RASSF2: variants seen among roughly 807,000 people sequenced by gnomAD.
RASSF2 encodes the protein Ras association domain family member 2, also known as ras association domain-containing protein 2.
Under a neutral mutation model 46.3 loss-of-function variants are expected in RASSF2, and 34 were observed. The observed-to-expected ratio is 0.73, with a 90% CI of 0.56 to 0.98. The LOEUF (loss-of-function observed/expected upper bound fraction) is 0.98. Ranked by LOEUF, RASSF2 falls within the 50% of genes least tolerant of loss-of-function variation. The pLI is 0.00. For synonymous variants in RASSF2, 158 were observed against 162.5 expected, an observed-to-expected ratio of 0.97 and a Z score of 0.21; for missense variants, 364 against 431.2, an observed-to-expected ratio of 0.84 and a Z score of 1.38.
At chr20:4,811,081 G>A (rs1451650903) in intron 2 of RASSF2, among the ~76,000 whole-genome samples, 1 of 152,130 alleles carries the variant, frequency 6.6e-6, no homozygotes, top group African/African-American at 2.4e-5. Flanking sequence ...TGATGTCAGC[G>A]AGGCATGGTG....
chr20:4,822,681 A>T (rs766406671), intron 1 of RASSF2, among the ~76,000 whole-genome samples: 7 of 152,240 alleles, frequency 4.6e-5, no homozygotes, highest in African/African-American at 1.7e-4. Context: ...CTGAGGTCCC[A>T]GCGACCTCAG....
At chr20:4,788,603 C>T (rs1395041691) in intron 8 of RASSF2, among the ~76,000 whole-genome samples, 3 of 152,216 alleles carry the variant, frequency 2.0e-5, no homozygotes, top group Non-Finnish European at 4.4e-5. Context: ...GCCTATTGCT[C>T]CTAGTGTACA....
At chr20:4,800,180 G>A (rs1046044951) in intron 3 of RASSF2, among the ~76,000 whole-genome samples, 1 of 152,002 alleles carries the variant, frequency 6.6e-6, no homozygotes, top group African/African-American at 2.4e-5. Flanking sequence ...TTTGGCTCAA[G>A]CCCAGTCACA....
chr20:4,802,171 C>T (rs1926924339), intron 2 of RASSF2, among the ~76,000 whole-genome samples: 1 of 150,906 alleles, frequency 6.6e-6, no homozygotes, highest in South Asian at 2.1e-4. Context: ...CCCTGGGCTC[C>T]CTCGATCCCC....
intron 2 of RASSF2, among the ~76,000 whole-genome samples, chr20:4,802,306 C>T (rs563813315): frequency 3.3e-5 from 5 of 151,864 alleles, no homozygotes; most frequent in East Asian, 1.9e-4. Context: ...GGATTCTGCT[C>T]ACTAGATGCC....
At chr20:4,818,324 A>C (rs533802835) in intron 2 of RASSF2, among the ~76,000 whole-genome samples, 2 of 152,160 alleles carry the variant, frequency 1.3e-5, no homozygotes, top group African/African-American at 4.8e-5. Flanking sequence ...AGTGTCTCGC[A>C]TGCAGGTGAG....
At chr20:4,785,377 T>C (rs1370035363) in intron 11 of RASSF2, among the ~76,000 whole-genome samples, 1 of 152,008 alleles carries the variant, frequency 6.6e-6, no homozygotes, top group Non-Finnish European at 1.5e-5. Context: ...ACAAAAACTT[T>C]AGGACATAGT....
chr20:4,820,381 T>C (rs1215750940), intron 2 of RASSF2, among the ~76,000 whole-genome samples: 2 of 152,130 alleles, frequency 1.3e-5, no homozygotes, highest in East Asian at 1.9e-4. Flanking sequence ...TGTGGTGGCA[T>C]ATGCCTGGGG....
intron 2 of RASSF2, among the ~76,000 whole-genome samples, chr20:4,804,834 T>C (rs556252972): frequency 6.6e-6 from 1 of 151,568 alleles, no homozygotes; most frequent in South Asian, 2.1e-4. Flanking sequence ...AGGAGGGGGA[T>C]GTGTGGGGGC....
In RASSF2 at chr20:4,792,654, G is replaced by T. The variant is rs6133164; in HGVS notation, c.288-27C>A. 32 of 1,611,900 alleles carry T rather than the reference G, an allele frequency of 2.0e-5. No individual in the cohort carries two copies. The Middle Eastern group carries it at 9.9e-4, about 50-fold the overall frequency. The stretch of plus-strand genomic sequence containing the variant: ...TGGGAGTGGAGAAGACAAAGGGGAG[G>T]GGGGAGACTAGTTTAAGCCCTGTGG... On this transcript the variant is annotated intron_variant, in intron 5 of 11. Transcript: ENST00000379400.
intron 4 of RASSF2, 24 bp downstream of exon 4, chr20:4,797,986 G>A (rs1483989794): frequency 3.1e-6 from 5 of 1,612,872 alleles, no homozygotes; most frequent in Non-Finnish European, 4.2e-6. Context: ...TAGCCAATCA[G>A]GGCCGTCCCT....
At chr20:4,791,253 G>C (rs1925851753) in intron 6 of RASSF2, among the ~76,000 whole-genome samples, 1 of 152,188 alleles carries the variant, frequency 6.6e-6, no homozygotes, top group African/African-American at 2.4e-5. Context: ...GAGCTAAAGA[G>C]AGAAGGATGT....
chr20:4,813,148 C>A (rs1927964490), intron 2 of RASSF2, among the ~76,000 whole-genome samples: 1 of 152,132 alleles, frequency 6.6e-6, no homozygotes, highest in South Asian at 2.1e-4. Context: ...ACCATCCCCA[C>A]CCCATTCCCA....
intron 11 of RASSF2, among the ~76,000 whole-genome samples, chr20:4,784,564 T>C (rs74366593): frequency 0.12 from 15,280 of 126,098 alleles, 866 homozygotes; most frequent in East Asian, 0.2. Context: ...CCAAATTAGA[T>C]TATTTTACTA....
intron 2 of RASSF2, among the ~76,000 whole-genome samples, chr20:4,805,033 G>T (rs953944863): frequency 6.6e-6 from 1 of 152,104 alleles, no homozygotes. Context: ...GCGAGATGGG[G>T]TGGCACGAGC....
chr20:4,814,466 CTG>C (rs1329680321), intron 2 of RASSF2, among the ~76,000 whole-genome samples: 3 of 152,180 alleles, frequency 2.0e-5, no homozygotes, highest in African/African-American at 7.2e-5. Context: ...GGCTGAGACT[CTG>C]AGCTCTGTGT....
At chr20:4,799,569 G>A (rs533193229) in intron 3 of RASSF2, among the ~76,000 whole-genome samples, 4 of 152,342 alleles carry the variant, frequency 2.6e-5, no homozygotes, top group Non-Finnish European at 4.4e-5. Flanking sequence ...AGATAAAGCA[G>A]CATGATTCTA....
chr20:4,816,833 G>A (rs1928350546), intron 2 of RASSF2, among the ~76,000 whole-genome samples: 1 of 151,998 alleles, frequency 6.6e-6, no homozygotes, highest in South Asian at 2.1e-4. Flanking sequence ...TCATATTCTG[G>A]TGGCTCACAC....
intron 2 of RASSF2, among the ~76,000 whole-genome samples, chr20:4,818,949 T>C (rs1032819086): frequency 4.6e-5 from 7 of 152,000 alleles, no homozygotes; most frequent in Non-Finnish European, 1.0e-4. Flanking sequence ...GGAAACTGAG[T>C]CTTTTCTTTT....
Sources: allele counts gnomAD v4.1 joint callset (sites outside exome capture counted in the v4.1 genomes callset), GRCh38; gene constraint gnomAD v4.1.1; transcripts MANE v1.5; gene names NCBI Gene and HGNC (gene_info 2026-07-23, HGNC 2026-07-21).